Variants in CNTN5 observed in about 807,000 individuals in gnomAD.
CNTN5 encodes contactin 5, also known as contactin-5.
A neutral mutation model predicts 129.1 loss-of-function variants in CNTN5; 77 were observed. The ratio of observed to expected loss-of-function variants is 0.60; its 90% confidence interval spans 0.50 to 0.72. The LOEUF is 0.72. Among genes scored for constraint, CNTN5 ranks in the 30% least tolerant of loss-of-function variants. The pLI, the probability that CNTN5 is intolerant of heterozygous loss-of-function variation, is 0.00. For synonymous variants in CNTN5, 509 were observed against 465.6 expected (o/e 1.09, Z -1.20); for missense variants, 1,478 against 1,328.8 (o/e 1.11, Z -1.75).
intron 1 of CNTN5, among the ~76,000 whole-genome samples, chr11:99,068,352 C>G (rs1206715883): frequency 1.3e-5 from 2 of 152,128 alleles, no homozygotes; most frequent in African/African-American, 4.8e-5. Flanking sequence ...TTTAATTCCT[C>G]CCTGTGAGAA....
intron 6 of CNTN5, among the ~76,000 whole-genome samples, chr11:99,900,478 T>C (rs771864860): frequency 6.6e-6 from 1 of 152,162 alleles, no homozygotes; most frequent in Non-Finnish European, 1.5e-5. Context: ...GCTATAAACA[T>C]TCCTCTTACC....
intron 1 of CNTN5, among the ~76,000 whole-genome samples, chr11:99,052,452 C>T (rs925122062): frequency 4.6e-5 from 7 of 151,722 alleles, no homozygotes; most frequent in African/African-American, 1.2e-4. Context: ...CTACAGTATT[C>T]GGTACAGTAA....
intron 1 of CNTN5, among the ~76,000 whole-genome samples, chr11:99,213,289 A>C (rs1859909714): frequency 6.8e-6 from 1 of 146,048 alleles, no homozygotes; most frequent in Non-Finnish European, 1.5e-5. Flanking sequence ...CATATAATAT[A>C]TATAACATAT....
At chr11:100,008,001 A>C (rs2137506910) in intron 9 of CNTN5, among the ~76,000 whole-genome samples, 1 of 152,190 alleles carries the variant, frequency 6.6e-6, no homozygotes, top group South Asian at 2.1e-4. Context: ...GGGAATAAGA[A>C]ATCCTGAAGA....
At chr11:100,284,882 G>T (rs149756314) in intron 18 of CNTN5, among the ~76,000 whole-genome samples, 5 of 152,176 alleles carry the variant, frequency 3.3e-5, no homozygotes, top group East Asian at 1.9e-4. Context: ...TAAAGAAAAA[G>T]AAATTGCACC....
intron 3 of CNTN5, among the ~76,000 whole-genome samples, chr11:99,793,892 G>A (rs1370405554): frequency 6.6e-6 from 1 of 152,180 alleles, no homozygotes; most frequent in African/African-American, 2.4e-5. Flanking sequence ...ATAATCTATT[G>A]TTTTTGTATG....
At chr11:99,421,753 T>G (rs1942898087) in intron 2 of CNTN5, among the ~76,000 whole-genome samples, 1 of 152,160 alleles carries the variant, frequency 6.6e-6, no homozygotes, top group Admixed American at 6.5e-5. Flanking sequence ...TGTTGTTTGC[T>G]TTGTAAGTTT....
Position 99,916,079 on chromosome 11 carries a change from A to G in CNTN5, c.603A>G (p.Thr201=). 1 of 1,612,338 alleles carries G rather than the reference A, an allele frequency of 6.2e-7. No homozygotes were observed. Among genetic ancestry groups the G allele is most frequent in the East Asian group, 2.2e-5 (1 of 44,758 alleles). ...ATCTGGGAAATTTTAGTGGCCGGAC[A>G]AGAAGTGCAGTCTCTGTGAGGGAAG... ...FAYLGNFSGR[T]RSAVSVREGQ... The change falls in exon 7 of 25, where the codon ACA becomes ACG. Residue 201 remains threonine (T), a synonymous_variant. Transcript: ENST00000524871.
intron 3 of CNTN5, among the ~76,000 whole-genome samples, chr11:99,786,877 G>A (rs568792699): frequency 2.6e-5 from 4 of 152,070 alleles, no homozygotes; most frequent in East Asian, 1.9e-4. Flanking sequence ...AGATTTAAAC[G>A]TAAGAACTTT....
At chr11:99,036,513 A>G (rs1024701216) in intron 1 of CNTN5, among the ~76,000 whole-genome samples, 1 of 152,200 alleles carries the variant, frequency 6.6e-6, no homozygotes, top group African/African-American at 2.4e-5. Context: ...AAAATTATCT[A>G]TCAATTTATT....
intron 6 of CNTN5, among the ~76,000 whole-genome samples, chr11:99,868,769 A>G (rs937572119): frequency 1.3e-5 from 2 of 152,154 alleles, no homozygotes; most frequent in African/African-American, 2.4e-5. Flanking sequence ...GATAAATACT[A>G]TTAGGAAAAA....
At chr11:99,057,818 A>G (rs76906493) in intron 1 of CNTN5, among the ~76,000 whole-genome samples, 1,751 of 107,328 alleles carry the variant, frequency 0.016, 29 homozygotes, top group African/African-American at 0.06. Flanking sequence ...GTGTGTGTGT[A>G]TGGTCATAAA....
chr11:99,485,309 A>C (rs1263360999), intron 2 of CNTN5, among the ~76,000 whole-genome samples: 1 of 152,032 alleles, frequency 6.6e-6, no homozygotes, highest in East Asian at 1.9e-4. Context: ...CAGAGCACAA[A>C]GGATTTTAGG....
intron 1 of CNTN5, among the ~76,000 whole-genome samples, chr11:99,153,562 C>G (rs1449179009): frequency 6.8e-6 from 1 of 147,868 alleles, no homozygotes; most frequent in African/African-American, 2.5e-5. Flanking sequence ...TCCATAGATT[C>G]CTTGGATTCG....
chr11:99,652,998 C>T (rs1295490417), intron 3 of CNTN5, among the ~76,000 whole-genome samples: 5 of 151,760 alleles, frequency 3.3e-5, no homozygotes, highest in Non-Finnish European at 7.4e-5. Context: ...TCAACATTTG[C>T]TGATTTAAAT....
intron 13 of CNTN5, among the ~76,000 whole-genome samples, chr11:100,094,760 G>GA (rs1944928148): frequency 2.1e-4 from 30 of 140,204 alleles, no homozygotes; most frequent in African/African-American, 2.8e-5. Context: ...AGGGAGGGAG[G>GA]GAGGAAAGGA....
At chr11:100,229,063 C>A (rs759384216) in intron 16 of CNTN5, among the ~76,000 whole-genome samples, 1 of 152,140 alleles carries the variant, frequency 6.6e-6, no homozygotes, top group Non-Finnish European at 1.5e-5. Context: ...GAAGCTAGCG[C>A]TAACTAATTA....
intron 3 of CNTN5, among the ~76,000 whole-genome samples, chr11:99,658,308 G>A (rs1188853461): frequency 6.6e-6 from 1 of 152,096 alleles, no homozygotes. Context: ...AATACAAAAT[G>A]AAATCAAATC....
chr11:99,507,150 G>T (rs977181127), intron 2 of CNTN5, among the ~76,000 whole-genome samples: 1 of 151,926 alleles, frequency 6.6e-6, no homozygotes, highest in African/African-American at 2.4e-5. Context: ...GGCCGAGGCA[G>T]GCAGATCATG....
Sources: gnomAD v4.1 joint callset for allele counts (sites outside exome capture counted in the v4.1 genomes callset) on GRCh38, gnomAD v4.1.1 for gene constraint, MANE v1.5 for transcripts, NCBI Gene and HGNC (gene_info 2026-07-23, HGNC 2026-07-21) for gene names.